SLC25A13: variants seen among roughly 807,000 people sequenced by gnomAD.
SLC25A13 encodes the protein electrogenic aspartate/glutamate antiporter SLC25A13, mitochondrial.
In SLC25A13, 70 loss-of-function variants were observed where a neutral mutation model predicts 85.5. The observed-to-expected ratio is 0.82, with a 90% CI of 0.68 to 1.00. SLC25A13 has a LOEUF of 1.00. Among genes scored for constraint, SLC25A13 ranks in the 50% least tolerant of loss-of-function variants. The pLI, the probability that SLC25A13 is intolerant of heterozygous loss-of-function variation, is 0.00. For missense variants in SLC25A13, 765 were observed against 819.8 expected, an observed-to-expected ratio of 0.93 and a Z score of 0.82; for synonymous variants, 259 against 288.7, an observed-to-expected ratio of 0.90 and a Z score of 1.04.
At chr7:96,301,382 T>C (rs1799542288) in intron 1 of SLC25A13, among the ~76,000 whole-genome samples, 1 of 152,206 alleles carries the variant, frequency 6.6e-6, no homozygotes, top group Admixed American at 6.5e-5. Context: ...CCTGATTTTC[T>C]TTATGATTCT....
chr7:96,228,433 G>A (rs1185385778), intron 4 of SLC25A13, among the ~76,000 whole-genome samples: 1 of 152,180 alleles, frequency 6.6e-6, no homozygotes, highest in Non-Finnish European at 1.5e-5. Context: ...GCTCATTGAA[G>A]CCACACAGTG....
chr7:96,129,931 G>A (rs184690975), intron 15 of SLC25A13, among the ~76,000 whole-genome samples: 43 of 152,310 alleles, frequency 2.8e-4, no homozygotes, highest in Admixed American at 1.4e-3. Flanking sequence ...TTACAGCTCT[G>A]TGAAAAACCT....
chr7:96,281,275 C>T (rs1798666170), intron 2 of SLC25A13, among the ~76,000 whole-genome samples: 1 of 151,670 alleles, frequency 6.6e-6, no homozygotes, highest in Admixed American at 6.6e-5. Context: ...CCTGTAATCC[C>T]AGCTACTCAA....
intron 3 of SLC25A13, among the ~76,000 whole-genome samples, chr7:96,271,633 C>T (rs182333935): frequency 2.0e-5 from 3 of 152,188 alleles, no homozygotes; most frequent in Admixed American, 6.6e-5. Flanking sequence ...GTTATCTCAT[C>T]GATAAAACCA....
chr7:96,321,728 C>T (rs548464549), intron 1 of SLC25A13, among the ~76,000 whole-genome samples: 1 of 152,316 alleles, frequency 6.6e-6, no homozygotes, highest in East Asian at 1.9e-4. Context: ...ACAAAGTTTC[C>T]GCTGCGAGGT....
chr7:96,147,088 AATGAGGAG>A (rs1792836568), intron 13 of SLC25A13, among the ~76,000 whole-genome samples: 1 of 126,818 alleles, frequency 7.9e-6, no homozygotes. Context: ...AACGTATCCA[AATGAGGAG>A]ACACAGAACG....
chr7:96,246,237 G>A (rs543377440), intron 3 of SLC25A13, among the ~76,000 whole-genome samples: 59 of 152,184 alleles, frequency 3.9e-4, no homozygotes, highest in Admixed American at 6.5e-4. Context: ...ACAGGGTACC[G>A]AAGGCACAGC....
In SLC25A13 at chr7:96,189,595, T is replaced by C; in HGVS notation, c.834A>G (p.Leu278=). The change falls in exon 8 of 18, where the codon TTA becomes TTG. Residue 278 remains leucine (L), a synonymous_variant. Transcript: ENST00000265631. ...AGCCAACTTACCCCCTTGGCTCATA[T>C]AAATCTGCTAACTGAAACAAGATGT... ...EVDILFQLAD[L]YEPRGRMTLA... The C allele has an allele frequency of 1.9e-6, 3 of 1,597,602 alleles. No homozygotes were observed. The highest frequency in any genetic ancestry group is 2.6e-6 in the Non-Finnish European group (3 of 1,172,236).
At chr7:96,272,521 T>C (rs1798281169) in intron 3 of SLC25A13, among the ~76,000 whole-genome samples, 1 of 152,170 alleles carries the variant, frequency 6.6e-6, no homozygotes, top group Non-Finnish European at 1.5e-5. Context: ...TCAGAGCTTC[T>C]TGTTGGGGGG....
chr7:96,203,604 A>G (rs1417865311), intron 5 of SLC25A13, among the ~76,000 whole-genome samples: 1 of 152,212 alleles, frequency 6.6e-6, no homozygotes, highest in East Asian at 1.9e-4. Flanking sequence ...GAGGTAGCTA[A>G]TAACAATGTT....
intron 4 of SLC25A13, among the ~76,000 whole-genome samples, chr7:96,229,518 A>G (rs1796451675): frequency 1.3e-5 from 2 of 152,110 alleles, no homozygotes; most frequent in Admixed American, 6.5e-5. Context: ...ACGCTGTGGA[A>G]GCTTTTGTTC....
At chr7:96,194,361 G>C (rs1254434965) in intron 5 of SLC25A13, among the ~76,000 whole-genome samples, 5 of 145,586 alleles carry the variant, frequency 3.4e-5, no homozygotes, top group Non-Finnish European at 1.5e-5. Flanking sequence ...AGGATCACCT[G>C]AGCCTGGGGA....
chr7:96,143,807 G>A (rs1472078572), intron 14 of SLC25A13, among the ~76,000 whole-genome samples: 2 of 152,184 alleles, frequency 1.3e-5, no homozygotes, highest in African/African-American at 2.4e-5. Context: ...AGCTCAGCAG[G>A]CCTAAACACA....
intron 11 of SLC25A13, among the ~76,000 whole-genome samples, chr7:96,180,765 T>C (rs530728238): frequency 3.8e-4 from 58 of 152,358 alleles, no homozygotes; most frequent in African/African-American, 1.4e-3. Context: ...TATTTATTCC[T>C]GGAACATTAA....
intron 1 of SLC25A13, among the ~76,000 whole-genome samples, chr7:96,318,783 G>C (rs1339572183): frequency 6.6e-6 from 1 of 152,176 alleles, no homozygotes; most frequent in East Asian, 1.9e-4. Flanking sequence ...TACCAAATCT[G>C]CTTAAATATT....
At chr7:96,288,895 C>A (rs1799000127) in intron 2 of SLC25A13, among the ~76,000 whole-genome samples, 2 of 152,328 alleles carry the variant, frequency 1.3e-5, no homozygotes, top group South Asian at 4.1e-4. Flanking sequence ...CCCTGTCTGA[C>A]AGCTTTGAAG....
chr7:96,211,104 G>A (rs945728942), intron 4 of SLC25A13, among the ~76,000 whole-genome samples: 3 of 152,006 alleles, frequency 2.0e-5, no homozygotes, highest in African/African-American at 7.2e-5. Context: ...ATGAAAGTAG[G>A]TTTAAGTTTT....
intron 3 of SLC25A13, among the ~76,000 whole-genome samples, chr7:96,236,413 C>A (rs1584493895): frequency 6.6e-6 from 1 of 151,948 alleles, no homozygotes; most frequent in African/African-American, 2.4e-5. Flanking sequence ...GGGAGATAGT[C>A]ATGAGCACAC....
chr7:96,196,259 T>C (rs1451908166), intron 5 of SLC25A13, among the ~76,000 whole-genome samples: 1 of 152,208 alleles, frequency 6.6e-6, no homozygotes, highest in East Asian at 1.9e-4. Context: ...TCCTTTGAAT[T>C]ACCAGACCCA....
Sources: allele counts gnomAD v4.1 joint callset (sites outside exome capture counted in the v4.1 genomes callset), GRCh38; gene constraint gnomAD v4.1.1; transcripts MANE v1.5; gene names NCBI Gene and HGNC (gene_info 2026-07-23, HGNC 2026-07-21).